GPR139: variants seen among roughly 807,000 people sequenced by gnomAD.
GPR139 encodes probable G protein-coupled receptor 139.
Under a neutral mutation model 25.8 loss-of-function variants are expected in GPR139, and 12 were observed. That is an observed-to-expected ratio of 0.47 (90% CI 0.30 to 0.75). The LOEUF is 0.75. Among genes scored for constraint, GPR139 ranks in the 30% least tolerant of loss-of-function variants. GPR139 has a pLI of 0.07. For synonymous variants in GPR139, 184 were observed against 179.9 expected, an observed-to-expected ratio of 1.02 and a Z score of -0.18; for missense variants, 380 against 450.2, an observed-to-expected ratio of 0.84 and a Z score of 1.41.
intron 1 of GPR139, among the ~76,000 whole-genome samples, chr16:20,059,999 C>T (rs2057405574): frequency 6.6e-6 from 1 of 152,092 alleles, no homozygotes; most frequent in Non-Finnish European, 1.5e-5. Context: ...GAGTGTGGGT[C>T]CCTGATTCCT....
intron 1 of GPR139, among the ~76,000 whole-genome samples, chr16:20,055,994 T>C (rs1009391761): frequency 1.3e-5 from 2 of 152,256 alleles, no homozygotes; most frequent in Non-Finnish European, 2.9e-5. Context: ...AGGAACTCAA[T>C]GTTAATTTTA....
chr16:20,064,499 C>T (rs778754515), intron 1 of GPR139, among the ~76,000 whole-genome samples: 1 of 152,166 alleles, frequency 6.6e-6, no homozygotes, highest in African/African-American at 2.4e-5. Context: ...TGGACCACTG[C>T]ACTCCACACT....
chr16:20,043,804 G>A (rs913484574), intron 1 of GPR139, among the ~76,000 whole-genome samples: 7 of 152,146 alleles, frequency 4.6e-5, no homozygotes, highest in Non-Finnish European at 1.0e-4. Flanking sequence ...GACAGATGGG[G>A]TCAGGGCTTT....
chr16:20,040,420 C>T (rs780177588), intron 1 of GPR139, among the ~76,000 whole-genome samples: 4 of 152,220 alleles, frequency 2.6e-5, no homozygotes, highest in African/African-American at 9.6e-5. Flanking sequence ...CCCCACAAAA[C>T]GAGATTATAC....
At chr16:20,064,306 C>T (rs985005243) in intron 1 of GPR139, among the ~76,000 whole-genome samples, 45 of 152,220 alleles carry the variant, frequency 3.0e-4, no homozygotes, top group African/African-American at 1.1e-3. Context: ...TTTGGGAAGC[C>T]GAGGTGGGTG....
At chr16:20,058,231 A>G (rs2057398192) in intron 1 of GPR139, among the ~76,000 whole-genome samples, 1 of 152,216 alleles carries the variant, frequency 6.6e-6, no homozygotes, top group Non-Finnish European at 1.5e-5. Context: ...CTCCAGGTGG[A>G]ACTCAAATCC....
chr16:20,033,347 G>A (rs984987503), intron 1 of GPR139, among the ~76,000 whole-genome samples: 1 of 151,906 alleles, frequency 6.6e-6, no homozygotes, highest in Non-Finnish European at 1.5e-5. Flanking sequence ...AGTTGGTGTT[G>A]CCATTCTCCT....
At chr16:20,047,591 A>G (rs1482442456) in intron 1 of GPR139, among the ~76,000 whole-genome samples, 1 of 152,240 alleles carries the variant, frequency 6.6e-6, no homozygotes, top group Non-Finnish European at 1.5e-5. Flanking sequence ...AAAATGAACT[A>G]GTCTATATCA....
chr16:20,068,808 T>C (rs1301619191), intron 1 of GPR139, among the ~76,000 whole-genome samples: 2 of 152,150 alleles, frequency 1.3e-5, no homozygotes, highest in African/African-American at 4.8e-5. Flanking sequence ...GTTTGATGAG[T>C]TTTTATCACA....
chr16:20,040,436 T>C (rs901988944), intron 1 of GPR139, among the ~76,000 whole-genome samples: 1 of 152,222 alleles, frequency 6.6e-6, no homozygotes, highest in African/African-American at 2.4e-5. Flanking sequence ...TATACAATAA[T>C]ATTGTTGTGC....
In GPR139 at chr16:20,073,623, GC is replaced by G; in HGVS notation, c.-8del. On this transcript the variant is annotated 5_prime_UTR_variant, in exon 1 of 2. Coordinates refer to ENST00000570682, the MANE Select transcript of GPR139 (RefSeq NM_001002911.4). This position sits in a 1 kb window ranked among gnomAD's most constrained non-coding sequence, Gnocchi z 4.7. ...GGGCGTGCGTGTGCTCCATGAGCGC[GC>G]CCCTCGCTCCCCTTGCCGCTTCGCG... The G allele has an allele frequency of 6.3e-7, 1 of 1,589,074 alleles. No individual in the cohort carries two copies. The highest frequency in any genetic ancestry group is 8.6e-7 in the Non-Finnish European group (1 of 1,167,950).
intron 1 of GPR139, among the ~76,000 whole-genome samples, chr16:20,052,594 C>A (rs532715074): frequency 6.6e-6 from 1 of 152,022 alleles, no homozygotes; most frequent in Non-Finnish European, 1.5e-5. Flanking sequence ...TCAGGAGATC[C>A]AGACCATCCT....
intron 1 of GPR139, among the ~76,000 whole-genome samples, chr16:20,038,369 G>GTGTGTGTGTGTGTA (rs4028367): frequency 0.018 from 2,435 of 133,210 alleles, 57 homozygotes; most frequent in Non-Finnish European, 0.025. Context: ...GTGTGTGTGT[G>GTGTGTGTGTGTGTA]TATTCTATAG....
chr16:20,040,017 A>C (rs1319400422), intron 1 of GPR139, among the ~76,000 whole-genome samples: 2 of 152,172 alleles, frequency 1.3e-5, no homozygotes, highest in Non-Finnish European at 2.9e-5. Context: ...CTTGGAACCC[A>C]GTTGCCTTTC....
intron 1 of GPR139, among the ~76,000 whole-genome samples, chr16:20,052,788 CAA>C (rs56189908): frequency 0.29 from 35,867 of 121,856 alleles, 5,411 homozygotes; most frequent in South Asian, 0.45. Flanking sequence ...GACTCCATCT[CAA>C]AAAAAAAAAA....
chr16:20,041,159 AGGGGAGGGGAGGGGAGGGGAGGGGAGGG>A (rs1567235910), intron 1 of GPR139, among the ~76,000 whole-genome samples: 7 of 308 alleles, frequency 0.023, 1 homozygote, highest in Admixed American at 0.053. Context: ...ACGAGAGGGG[AGGGGAGGGGAGGGGAGGGGAGGGGAGGG>A]GAGGGGAGGG....
intron 1 of GPR139, among the ~76,000 whole-genome samples, chr16:20,055,151 T>C (rs1273076161): frequency 1.3e-5 from 2 of 152,150 alleles, no homozygotes; most frequent in South Asian, 2.1e-4. Context: ...CTTGTATGTG[T>C]CAATGTGTTC....
chr16:20,046,350 CA>C (rs2057354366), intron 1 of GPR139, among the ~76,000 whole-genome samples: 1 of 152,246 alleles, frequency 6.6e-6, no homozygotes, highest in African/African-American at 2.4e-5. Context: ...TTTGCATCCA[CA>C]GGGAGCTTAC....
chr16:20,052,963 C>T (rs2057377625), intron 1 of GPR139, among the ~76,000 whole-genome samples: 1 of 152,010 alleles, frequency 6.6e-6, no homozygotes, highest in African/African-American at 2.4e-5. Flanking sequence ...CAATCCATCA[C>T]CTAGGTATTA....
Sources: allele counts gnomAD v4.1 joint callset (sites outside exome capture counted in the v4.1 genomes callset), GRCh38; gene constraint gnomAD v4.1.1; non-coding constraint Gnocchi (gnomAD v3.1); transcripts MANE v1.5; gene names NCBI Gene and HGNC (gene_info 2026-07-23, HGNC 2026-07-21).